The following TRIM71 variants were observed in gnomAD, a reference collection of about 807,000 sequenced individuals.
TRIM71 encodes the protein E3 ubiquitin-protein ligase TRIM71.
Under a neutral mutation model 61.2 loss-of-function variants are expected in TRIM71, and 9 were observed. That is an observed-to-expected ratio of 0.15 (90% CI 0.09 to 0.26). TRIM71 has a LOEUF of 0.26. TRIM71 is among the 10% of genes least tolerant of loss of function. TRIM71 has a pLI of 1.00. For synonymous variants in TRIM71, 645 were observed against 553.2 expected, an observed-to-expected ratio of 1.17 and a Z score of -2.33; for missense variants, 998 against 1,238.7, an observed-to-expected ratio of 0.81 and a Z score of 2.92.
At chr3:32,821,803 A>G (rs1429365037) in intron 1 of TRIM71, among the ~76,000 whole-genome samples, 2 of 150,882 alleles carry the variant, frequency 1.3e-5, no homozygotes, top group Non-Finnish European at 3.0e-5. Flanking sequence ...GGGCGCAGGT[A>G]GAGTCGCCGC....
At chr3:32,864,939 T>G (rs1696715617) in intron 1 of TRIM71, among the ~76,000 whole-genome samples, 1 of 150,296 alleles carries the variant, frequency 6.7e-6, no homozygotes, top group East Asian at 2.0e-4. Flanking sequence ...ACATGGGGGG[T>G]GCCTGTCATT....
chr3:32,854,760 A>C (rs1290732618), intron 1 of TRIM71, among the ~76,000 whole-genome samples: 2 of 152,140 alleles, frequency 1.3e-5, no homozygotes, highest in Non-Finnish European at 2.9e-5. Flanking sequence ...CACCCACTTA[A>C]ATAGAGCTAT....
intron 1 of TRIM71, among the ~76,000 whole-genome samples, chr3:32,837,887 G>A (rs1052591084): frequency 3.3e-5 from 5 of 152,192 alleles, no homozygotes; most frequent in African/African-American, 1.2e-4. Context: ...TCTCTTCTGT[G>A]TTTAAGACAT....
At chr3:32,886,828 G>T (rs1177722309) in intron 3 of TRIM71, among the ~76,000 whole-genome samples, 1 of 152,100 alleles carries the variant, frequency 6.6e-6, no homozygotes, top group Non-Finnish European at 1.5e-5. Flanking sequence ...GCTAACTACT[G>T]GGCCCTACAA....
At chr3:32,869,678 C>T (rs925080624) in intron 1 of TRIM71, among the ~76,000 whole-genome samples, 1 of 152,230 alleles carries the variant, frequency 6.6e-6, no homozygotes, top group Admixed American at 6.5e-5. Context: ...CCATTCCTCC[C>T]GGCCTAGTCT....
At chr3:32,836,217 C>T (rs759413903) in intron 1 of TRIM71, among the ~76,000 whole-genome samples, 8 of 152,080 alleles carry the variant, frequency 5.3e-5, no homozygotes, top group East Asian at 3.8e-4. Flanking sequence ...TTCCACCAGC[C>T]GCATTTCCTC....
intron 2 of TRIM71, among the ~76,000 whole-genome samples, chr3:32,883,133 T>C (rs1427754581): frequency 6.6e-6 from 1 of 152,202 alleles, no homozygotes; most frequent in African/African-American, 2.4e-5. Flanking sequence ...TCTCTCGCTT[T>C]CTCTCTTTTT....
intron 1 of TRIM71, among the ~76,000 whole-genome samples, chr3:32,839,477 G>A (rs1373015800): frequency 1.3e-5 from 2 of 152,088 alleles, no homozygotes; most frequent in Middle Eastern, 3.4e-3. Context: ...TGATTCACCC[G>A]CCTTGGCCTC....
At chr3:32,827,721 C>G (rs956647130) in intron 1 of TRIM71, among the ~76,000 whole-genome samples, 3 of 152,116 alleles carry the variant, frequency 2.0e-5, no homozygotes, top group South Asian at 2.1e-4. Flanking sequence ...CCTCCTGGTT[C>G]TGACACCCTG....
chr3:32,819,004 G>A (rs1457609671), intron 1 of TRIM71, 72 bp downstream of exon 1: 5 of 1,542,550 alleles, frequency 3.2e-6, no homozygotes, highest in Non-Finnish European at 4.4e-6. Context: ...TTCCCGGCCG[G>A]TCCCACAGCG....
At chr3:32,857,487 GGGGCGCTGACGCCCT>G (rs1475154403) in intron 1 of TRIM71, among the ~76,000 whole-genome samples, 2 of 152,210 alleles carry the variant, frequency 1.3e-5, no homozygotes, top group Admixed American at 6.5e-5. Flanking sequence ...TGGGGGGTTA[GGGGCGCTGACGCCCT>G]GTACAGTCAA....
intron 1 of TRIM71, among the ~76,000 whole-genome samples, chr3:32,832,423 A>G (rs1441393524): frequency 6.6e-6 from 1 of 152,204 alleles, no homozygotes; most frequent in Non-Finnish European, 1.5e-5. Context: ...CGCTATGATC[A>G]TGCCATTGCA....
chr3:32,844,518 T>A (rs9836829), intron 1 of TRIM71, among the ~76,000 whole-genome samples: 35,144 of 151,856 alleles, frequency 0.23, 4,446 homozygotes, highest in African/African-American at 0.34. Context: ...TGCCTCAGCC[T>A]CTGGCGTAGC....
In TRIM71 at chr3:32,896,498, G is replaced by C. The variant is rs1697079330; in HGVS notation, c.*4687G>C. 6.6e-6 allele frequency: 1 copy of C among 151,954 alleles called. No individual in the cohort carries two copies. Among genetic ancestry groups the C allele is most frequent in the African/African-American group, 2.4e-5 (1 of 41,348 alleles). The allele number at this position is 151,954 out of a possible 1,614,324, so 9.4% of individuals were successfully genotyped here. ...ATAAAGTTGAGAAGCACATTACCAGGATATACTGTATTGACCCTCCCACCT... is the reference window on the plus strand; with the variant it reads ...ATAAAGTTGAGAAGCACATTACCAGCATATACTGTATTGACCCTCCCACCT... On this transcript the variant is annotated 3_prime_UTR_variant, in exon 4 of 4. Coordinates refer to ENST00000383763, the MANE Select transcript of TRIM71 (RefSeq NM_001039111.3).
intron 1 of TRIM71, among the ~76,000 whole-genome samples, chr3:32,825,290 A>T (rs1383397121): frequency 2.6e-5 from 4 of 152,222 alleles, no homozygotes; most frequent in Non-Finnish European, 4.4e-5. Context: ...GAAGCTGTCA[A>T]TGAAGTTAAA....
intron 2 of TRIM71, among the ~76,000 whole-genome samples, chr3:32,875,535 A>G (rs1696844677): frequency 6.6e-6 from 1 of 152,192 alleles, no homozygotes; most frequent in Non-Finnish European, 1.5e-5. Context: ...ATATAAGTGA[A>G]TTGTTTTAAA....
At chr3:32,828,885 C>CA (rs1298368722) in intron 1 of TRIM71, among the ~76,000 whole-genome samples, 4 of 152,124 alleles carry the variant, frequency 2.6e-5, no homozygotes, top group South Asian at 4.2e-4. Context: ...CTTTGTTGCC[C>CA]AGTTCACTGA....
At chr3:32,840,480 G>T (rs1249423210) in intron 1 of TRIM71, among the ~76,000 whole-genome samples, 1 of 152,166 alleles carries the variant, frequency 6.6e-6, no homozygotes, top group African/African-American at 2.4e-5. Context: ...GCTCTCTCCT[G>T]AACTTTACTC....
At chr3:32,843,602 C>T (rs74721800) in intron 1 of TRIM71, among the ~76,000 whole-genome samples, 12 of 152,294 alleles carry the variant, frequency 7.9e-5, no homozygotes, top group African/African-American at 2.9e-4. Flanking sequence ...AGCTAATCCC[C>T]GTGCCTCCCA....
Sources: gnomAD v4.1 joint callset for allele counts (sites outside exome capture counted in the v4.1 genomes callset) on GRCh38, gnomAD v4.1.1 for gene constraint, MANE v1.5 for transcripts, NCBI Gene and HGNC (gene_info 2026-07-23, HGNC 2026-07-21) for gene names.